LRRC37A2: variants seen among roughly 807,000 people sequenced by gnomAD.
The protein encoded by LRRC37A2 is leucine-rich repeat-containing protein 37A2.
In LRRC37A2, 9 loss-of-function variants were observed where a neutral mutation model predicts 68.8. That is an observed-to-expected ratio of 0.13 (90% CI 0.08 to 0.23). The LOEUF is 0.23. Ranked by LOEUF, LRRC37A2 falls within the 10% of genes least tolerant of loss-of-function variation. LRRC37A2 has a pLI of 1.00. For missense variants in LRRC37A2, 168 were observed against 950.4 expected (o/e 0.18, Z 10.82); for synonymous variants, 63 against 367.6 (o/e 0.17, Z 9.48).
chr17:46,744,730 T>G, the LRRC37A2 span, among the ~76,000 whole-genome samples: 4 of 152,166 alleles, frequency 2.6e-5, no homozygotes, highest in Non-Finnish European at 4.4e-5. Context: ...TGGTCCTTTG[T>G]GTGGCAAAAG....
chr17:47,035,582 G>A, the LRRC37A2 span, among the ~76,000 whole-genome samples: 2 of 152,324 alleles, frequency 1.3e-5, no homozygotes, highest in East Asian at 3.9e-4. Context: ...ACATTTGGTT[G>A]TTTCTACTTT....
chr17:46,776,385 T>C, the LRRC37A2 span, among the ~76,000 whole-genome samples: 1 of 152,364 alleles, frequency 6.6e-6, no homozygotes, highest in East Asian at 1.9e-4. Flanking sequence ...CTGTGGTTTA[T>C]TATGGGCCTA....
At chr17:46,886,933 C>T in the LRRC37A2 span, among the ~76,000 whole-genome samples, 1 of 152,182 alleles carries the variant, frequency 6.6e-6, no homozygotes, top group Non-Finnish European at 1.5e-5. Context: ...TCTCCTGCCT[C>T]AGCCTCCCGA....
chr17:46,940,551 C>G, the LRRC37A2 span: 1 of 1,614,128 alleles, frequency 6.2e-7, no homozygotes, highest in African/African-American at 1.3e-5. Context: ...GTCCTGTCCC[C>G]CAGGCACCCA....
chr17:46,945,136 A>T, the LRRC37A2 span, among the ~76,000 whole-genome samples: 24 of 152,222 alleles, frequency 1.6e-4, no homozygotes, highest in Middle Eastern at 3.4e-3. Context: ...ACAGGAGATG[A>T]TGTGGGAGCA....
At chr17:46,717,932 A>T in the LRRC37A2 span, among the ~76,000 whole-genome samples, 5 of 152,304 alleles carry the variant, frequency 3.3e-5, no homozygotes, top group South Asian at 1.0e-3. Context: ...AAGACAACAA[A>T]GACCCTGGCC....
chr17:46,977,191 A>G, the LRRC37A2 span, among the ~76,000 whole-genome samples: 1 of 152,162 alleles, frequency 6.6e-6, no homozygotes, highest in Non-Finnish European at 1.5e-5. Flanking sequence ...CTAGTGCCAA[A>G]TACACGGGAT....
the LRRC37A2 span, among the ~76,000 whole-genome samples, chr17:46,825,862 A>G: frequency 1.4e-4 from 21 of 149,732 alleles, no homozygotes; most frequent in Admixed American, 6.6e-4. Flanking sequence ...TGTCTCTACT[A>G]AAAATACAAA....
At chr17:47,047,330 AATG>A in the LRRC37A2 span, 2 of 132,700 alleles carry the variant, frequency 1.5e-5, no homozygotes, top group Non-Finnish European at 3.0e-5. Context: ...TTTTATTTTT[AATG>A]ATGATAAAAT....
the LRRC37A2 span, among the ~76,000 whole-genome samples, chr17:46,746,134 G>T: frequency 3.0e-4 from 46 of 152,276 alleles, no homozygotes; most frequent in African/African-American, 1.0e-3. Context: ...TCTGTGGAAG[G>T]TCTGTTGCAT....
chr17:46,751,467 TA>T, the LRRC37A2 span: 1 of 1,501,778 alleles, frequency 6.7e-7, no homozygotes, highest in Non-Finnish European at 9.3e-7. Context: ...GTGTTCACTG[TA>T]AAAGTGCTTT....
the LRRC37A2 span, chr17:46,932,298 A>G: frequency 7.1e-7 from 1 of 1,402,192 alleles, no homozygotes; most frequent in Non-Finnish European, 1.0e-6. Flanking sequence ...GTGTCTGAAG[A>G]AGACTGATGA....
chr17:46,838,241 T>TAAGGTGGGGAGGGA, the LRRC37A2 span, among the ~76,000 whole-genome samples: 1 of 148,290 alleles, frequency 6.7e-6, no homozygotes, highest in Non-Finnish European at 1.5e-5. Flanking sequence ...TAATTGGTGG[T>TAAGGTGGGGAGGGA]AAGGTGGGGA....
At chr17:46,950,331 G>A in the LRRC37A2 span, among the ~76,000 whole-genome samples, 5 of 152,190 alleles carry the variant, frequency 3.3e-5, no homozygotes, top group Non-Finnish European at 7.3e-5. Flanking sequence ...TGGCTGAGGA[G>A]GTGGCAGAGG....
At chr17:46,846,174 C>A in the LRRC37A2 span, among the ~76,000 whole-genome samples, 1 of 152,222 alleles carries the variant, frequency 6.6e-6, no homozygotes, top group Non-Finnish European at 1.5e-5. Flanking sequence ...GCTCAAAGCA[C>A]TCCTGCTAGT....
chr17:46,502,938 C>T, the LRRC37A2 span, among the ~76,000 whole-genome samples: 26 of 150,474 alleles, frequency 1.7e-4, 3 homozygotes, highest in African/African-American at 5.5e-4. Context: ...CATTGCCAGG[C>T]GTGGTGGCTC....
the LRRC37A2 span, among the ~76,000 whole-genome samples, chr17:46,802,611 C>G: frequency 6.6e-6 from 1 of 152,156 alleles, no homozygotes; most frequent in Non-Finnish European, 1.5e-5. Flanking sequence ...CAACCCCATC[C>G]TTTGGGAAGG....
At chr17:46,857,188 G>T in the LRRC37A2 span, among the ~76,000 whole-genome samples, 2 of 152,064 alleles carry the variant, frequency 1.3e-5, no homozygotes, top group East Asian at 3.9e-4. Context: ...GGTTATTTTG[G>T]CTGGGCGTGG....
At chr17:46,540,455 C>T (rs1202943700) in intron 7 of LRRC37A2, among the ~76,000 whole-genome samples, 1 of 146,906 alleles carries the variant, frequency 6.8e-6, no homozygotes, top group Non-Finnish European at 1.5e-5. Context: ...CATTGAAGAA[C>T]CCATATAGAT....
Sources: gnomAD v4.1 joint callset for allele counts (sites outside exome capture counted in the v4.1 genomes callset) on GRCh38, gnomAD v4.1.1 for gene constraint, MANE v1.5 for transcripts, NCBI Gene and HGNC (gene_info 2026-07-23, HGNC 2026-07-21) for gene names.